NAT1: variants seen among roughly 807,000 people sequenced by gnomAD.
NAT1 encodes the protein arylamine N-acetyltransferase 1.
For synonymous variants in NAT1, 144 were observed against 122.6 expected (o/e 1.17, Z -1.16); for missense variants, 400 against 339.2 (o/e 1.18, Z -1.41).
intron 2 of NAT1, among the ~76,000 whole-genome samples, chr8:18,192,091 C>T (rs1198585706): frequency 6.6e-6 from 1 of 151,456 alleles, no homozygotes; most frequent in African/African-American, 2.4e-5. Context: ...ACCTACTCAT[C>T]TGACAAAGGG....
chr8:18,188,553 C>T (rs562880467), intron 2 of NAT1, among the ~76,000 whole-genome samples: 55 of 151,980 alleles, frequency 3.6e-4, no homozygotes, highest in Non-Finnish European at 2.9e-4. Context: ...GGGAAATAGG[C>T]ATGTGGCATT....
At chr8:18,207,200 T>C (rs1334512844), upstream of NAT1, among the ~76,000 whole-genome samples, 1 of 152,160 alleles carries the variant, frequency 6.6e-6, no homozygotes, top group Non-Finnish European at 1.5e-5. Context: ...GGTCTTATTT[T>C]TGAGTTTCTC....
intron 1 of NAT1, chr8:18,211,257 G>C (rs1358569844): frequency 1.3e-5 from 2 of 152,306 alleles, no homozygotes; most frequent in African/African-American, 2.4e-5. Flanking sequence ...GACTGGCCTA[G>C]ACAGACAGCC....
rs574129919 is a variant in NAT1, at chr8:18,192,578, T to C, written n.93-17203T>C. 4.6e-5 allele frequency among the ~76,000 whole-genome samples: 7 copies of C among 152,196 alleles called. No individual in the cohort carries two copies. The South Asian group carries it at 1.5e-3, about 32-fold the overall frequency. Reference sequence around the variant, plus strand: ...CGGCACTATGCACAATAGCAAAGACTTGGAACCAACCCAAATGTCCAACAA... The same window carrying C: ...CGGCACTATGCACAATAGCAAAGACCTGGAACCAACCCAAATGTCCAACAA... On this transcript the variant is annotated intron_variant and non_coding_transcript_variant, in intron 2 of 4. Coordinates refer to the NAT1 transcript ENST00000517441.
chr8:18,186,480 A>G (rs1455440356), intron 2 of NAT1, among the ~76,000 whole-genome samples: 3 of 152,098 alleles, frequency 2.0e-5, no homozygotes, highest in Non-Finnish European at 1.5e-5. Flanking sequence ...CTTGTGTTTA[A>G]TATCGCTACA....
intron 2 of NAT1, among the ~76,000 whole-genome samples, chr8:18,179,637 T>C (rs1490709153): frequency 2.0e-5 from 3 of 152,144 alleles, no homozygotes; most frequent in Non-Finnish European, 4.4e-5. Context: ...AAATCGTACA[T>C]GTGTTCTCAA....
chr8:18,183,731 G>A (rs1043517800), intron 2 of NAT1, among the ~76,000 whole-genome samples: 3 of 152,160 alleles, frequency 2.0e-5, no homozygotes, highest in African/African-American at 7.2e-5. Context: ...AGAATACAGT[G>A]GTGGGACAGG....
rs143772949 is a variant in NAT1, at chr8:18,192,450, G to A, written n.93-17331G>A. 7.5e-3 allele frequency among the ~76,000 whole-genome samples: 1,145 copies of A among 152,292 alleles called. 17 individuals carry two copies. Among genetic ancestry groups the A allele is most frequent in the African/African-American group, 0.026 (1,092 of 41,536 alleles). On this transcript the variant is annotated intron_variant and non_coding_transcript_variant, in intron 2 of 4. Coordinates refer to the NAT1 transcript ENST00000517441. ...AGTGTGGCGATTCCTCAGGGATCTA[G>A]AACTACAAATACCATGTGACCCAGC...
intron 2 of NAT1, among the ~76,000 whole-genome samples, chr8:18,204,936 T>C (rs1803643677): frequency 6.6e-6 from 1 of 152,174 alleles, no homozygotes; most frequent in Admixed American, 6.5e-5. Context: ...TTCTAGAAGA[T>C]TCTAGTGGGC....
chr8:18,185,906 T>C (rs879461498), intron 2 of NAT1, among the ~76,000 whole-genome samples: 2 of 152,194 alleles, frequency 1.3e-5, no homozygotes, highest in Non-Finnish European at 2.9e-5. Flanking sequence ...TCTTTGATCC[T>C]TGGCTTAGTT....
chr8:18,185,825 A>G (rs1802709476), intron 2 of NAT1, among the ~76,000 whole-genome samples: 1 of 152,124 alleles, frequency 6.6e-6, no homozygotes, highest in Non-Finnish European at 1.5e-5. Flanking sequence ...TGCTTCGGCT[A>G]TGTCCCCAAA....
At chr8:18,207,366 T>C (rs1803768221), upstream of NAT1, among the ~76,000 whole-genome samples, 1 of 151,664 alleles carries the variant, frequency 6.6e-6, no homozygotes, top group Admixed American at 6.5e-5. Flanking sequence ...GCTCTTGTTT[T>C]GGTTCCATAT....
chr8:18,215,280 T>A (rs1297465124), intron 1 of NAT1, among the ~76,000 whole-genome samples: 1 of 152,260 alleles, frequency 6.6e-6, no homozygotes, highest in Non-Finnish European at 1.5e-5. Flanking sequence ...ATTGCACTTT[T>A]TGCATTCTCC....
chr8:18,206,211 T>A (rs2117310260), upstream of NAT1, among the ~76,000 whole-genome samples: 1 of 152,332 alleles, frequency 6.6e-6, no homozygotes, highest in Non-Finnish European at 1.5e-5. Context: ...CCTGTTCCCC[T>A]GGAGCTGCTG....
At chr8:18,174,859 C>T (rs750399834) in intron 2 of NAT1, among the ~76,000 whole-genome samples, 36 of 152,086 alleles carry the variant, frequency 2.4e-4, no homozygotes, top group Non-Finnish European at 4.3e-4. Context: ...TGCGAACTCT[C>T]ATGCTTATAT....
chr8:18,216,018 G>A (rs1196711307), intron 1 of NAT1, among the ~76,000 whole-genome samples: 5 of 151,776 alleles, frequency 3.3e-5, no homozygotes, highest in African/African-American at 1.2e-4. Flanking sequence ...TAAGAGCTGG[G>A]TAGGGAAAAT....
At chr8:18,210,379 T>C (rs1803958008) in intron 1 of NAT1, among the ~76,000 whole-genome samples, 199 bp downstream of exon 1, 1 of 152,186 alleles carries the variant, frequency 6.6e-6, no homozygotes, top group South Asian at 2.1e-4. Context: ...TGATTCAAAC[T>C]GTTGGGTTTA....
chr8:18,207,204 G>A (rs1026506276), upstream of NAT1, among the ~76,000 whole-genome samples: 1 of 152,030 alleles, frequency 6.6e-6, no homozygotes, highest in African/African-American at 2.4e-5. Context: ...TTATTTTTGA[G>A]TTTCTCTATT....
intron 2 of NAT1, among the ~76,000 whole-genome samples, chr8:18,202,625 A>G (rs77805036): frequency 6.6e-6 from 1 of 151,854 alleles, no homozygotes; most frequent in Non-Finnish European, 1.5e-5. Context: ...AGACCTTCGC[A>G]GTGAGCGTTA....
Sources: gnomAD v4.1 joint callset for allele counts (sites outside exome capture counted in the v4.1 genomes callset) on GRCh38, gnomAD v4.1.1 for gene constraint, MANE v1.5 for transcripts, NCBI Gene and HGNC (gene_info 2026-07-23, HGNC 2026-07-21) for gene names.